The following APC2 variants were observed in gnomAD, a reference collection of about 807,000 sequenced individuals.
APC2 encodes the protein APC regulator of Wnt signaling pathway 2.
In APC2, 41 loss-of-function variants were observed where a neutral mutation model predicts 72.5. The ratio of observed to expected loss-of-function variants is 0.57; its 90% CI spans 0.44 to 0.73. The LOEUF is 0.73. Ranked by LOEUF, APC2 falls within the 30% of genes least tolerant of loss-of-function variation. APC2 has a pLI of 0.00. For synonymous variants in APC2, 1,898 were observed against 1,612.0 expected, an observed-to-expected ratio of 1.18 and a Z score of -4.25; for missense variants, 3,729 against 3,403.4, an observed-to-expected ratio of 1.10 and a Z score of -2.38.
At chr19:1,455,628 G>A (rs765313567) in intron 6 of APC2, 128 bp downstream of exon 6, 3 of 926,078 alleles carry the variant, frequency 3.2e-6, no homozygotes. Context: ...GTTGGGGGGC[G>A]CGGGTTCTGG....
upstream of APC2, among the ~76,000 whole-genome samples, chr19:1,448,913 C>T (rs183362962): frequency 5.3e-5 from 8 of 152,286 alleles, no homozygotes; most frequent in Non-Finnish European, 1.2e-4. Flanking sequence ...ACTGCATTGC[C>T]TCCCCAGACC....
chr19:1,448,487 G>C (rs532884122), upstream of APC2, among the ~76,000 whole-genome samples: 33 of 150,432 alleles, frequency 2.2e-4, no homozygotes, highest in South Asian at 4.9e-3. Context: ...CGGAGGTTGC[G>C]GTGAGCCGAG....
At position 1,461,926 on chromosome 19, in the gene APC2, C is replaced by G. The variant is rs373827851; in HGVS notation, c.1639-37C>G. The G allele has an allele frequency of 3.2e-6, 5 of 1,554,578 alleles. No homozygotes were observed. In the South Asian group the frequency reaches 3.4e-5, roughly 11 times the overall value. Reference sequence around the variant, plus strand: ...GTGGGAGCCTTTCCTCCGGGCCACTCAGGCCCTGACCCGCCCCTCTCCCGC... The same window carrying G: ...GTGGGAGCCTTTCCTCCGGGCCACTGAGGCCCTGACCCGCCCCTCTCCCGC... On this transcript the variant is annotated intron_variant, in intron 13 of 14. Coordinates refer to ENST00000590469, the MANE Select transcript of APC2 (RefSeq NM_005883.3).
At chr19:1,454,563 C>CTTTTTTTTTTTTTTT (rs71174371) in intron 4 of APC2, among the ~76,000 whole-genome samples, 1 of 116,172 alleles carries the variant, frequency 8.6e-6, no homozygotes, top group Non-Finnish European at 1.7e-5. Flanking sequence ...ATCTTTTGTA[C>CTTTTTTTTTTTTTTT]TTTTTTTTTT....
intron 4 of APC2, among the ~76,000 whole-genome samples, chr19:1,454,876 T>C (rs1156243805): frequency 1.3e-5 from 2 of 152,120 alleles, no homozygotes; most frequent in Admixed American, 1.3e-4. Flanking sequence ...CGGCTATTTT[T>C]ATATTTTTTA....
chr19:1,469,020 C>T lies in APC2; in HGVS notation c.5719C>T (p.Pro1907Ser), dbSNP rs867067160. The T allele has an allele frequency of 6.5e-7, 1 of 1,549,542 alleles. No individual in the cohort carries two copies. Among genetic ancestry groups the T allele is most frequent in the Admixed American group, 1.9e-5 (1 of 52,110 alleles). The change falls in exon 15 of 15, where the codon CCG (proline) becomes TCG (serine). Residue 1907 changes from proline to serine, a missense_variant. Pro to Ser is a moderately conservative substitution (Grantham distance 74, BLOSUM62 -1). Transcript: ENST00000590469. ...AGALPGPGAS[P>S]VPKTPARTLL... ...GGCCCTGCCCGGCCCCGGAGCCTCC[C>T]CGGTGCCCAAAACGCCGGCGCGCAC... is the stretch of plus-strand genomic sequence containing the variant.
Position 1,456,826 on chromosome 19 carries a change from C to A in APC2, c.817-27C>A, listed in dbSNP as rs751764950. ...GGTGTGCGGGGGGCAGGTGAGGGAC[C>A]CCACCCTGACCCTGCCCTCCCCCCA... On this transcript the variant is annotated intron_variant, in intron 8 of 14. Coordinates refer to ENST00000590469, the MANE Select transcript of APC2 (RefSeq NM_005883.3). The A allele has an allele frequency of 7.6e-6, 12 of 1,582,820 alleles. No homozygotes were observed. The East Asian group carries it at 9.3e-5, about 12-fold the overall frequency.
At position 1,465,936 on chromosome 19, in the gene APC2, C is replaced by G; in HGVS notation, c.2635C>G (p.Pro879Ala). Residue 879 changes from proline (P) to alanine (A), a missense_variant, in exon 15 of 15, where the codon CCG becomes GCG. Pro to Ala is a conservative substitution (Grantham distance 27). Coordinates refer to ENST00000590469, the MANE Select transcript of APC2 (RefSeq NM_005883.3). ...TAGCTTCAGCCTCAGCTCTGGAGACCCGGGACAGGAGGCGCCACGGGAGGG... is the reference window on the plus strand; with the variant it reads ...TAGCTTCAGCCTCAGCTCTGGAGACGCGGGACAGGAGGCGCCACGGGAGGG... ...DDSFSLSSGD[P>A]GQEAPREGRA... 6.3e-7 allele frequency: 1 copy of G among 1,584,344 alleles called. No homozygotes were observed. Among genetic ancestry groups the G allele is most frequent in the Non-Finnish European group, 8.5e-7 (1 of 1,170,278 alleles).
chr19:1,466,769 G>T lies in APC2; in HGVS notation c.3468G>T (p.Pro1156=). ...SSSENYVQET[P]LVLSRCSSVS... ...CGGAGAACTACGTGCAGGAGACACC[G>T]CTTGTGCTGAGCCGCTGCAGCTCTG... Residue 1156 remains proline, a synonymous_variant, in exon 15 of 15, where the codon CCG becomes CCT. Coordinates refer to ENST00000590469, the MANE Select transcript of APC2 (RefSeq NM_005883.3). 10 of 1,550,090 alleles carry T rather than the reference G, an allele frequency of 6.5e-6. No homozygotes were observed. Among genetic ancestry groups the T allele is most frequent in the Non-Finnish European group, 8.7e-6 (10 of 1,147,796 alleles).
chr19:1,464,912 T>C (rs904398601), intron 14 of APC2, among the ~76,000 whole-genome samples: 1 of 150,958 alleles, frequency 6.6e-6, no homozygotes, highest in Non-Finnish European at 1.5e-5. Context: ...GGATTACAGG[T>C]GTGATCCACT....
rs2084038580 is a variant in APC2, at chr19:1,467,441, G to A, written c.4140G>A (p.Pro1380=). 2.7e-6 allele frequency: 4 copies of A among 1,476,818 alleles called. No homozygotes were observed. The highest frequency in any genetic ancestry group is 2.8e-5 in the East Asian group (1 of 35,306). The allele number at this position is 1,476,818 out of a possible 1,614,324, so 91.5% of individuals were successfully genotyped here. A position where few individuals can be genotyped will look rare whatever the true frequency, so the allele number is the denominator to read the frequency against. The change falls in exon 15 of 15, where the codon CCG becomes CCA. Residue 1380 remains proline (P), a synonymous_variant. Coordinates refer to ENST00000590469, the MANE Select transcript of APC2 (RefSeq NM_005883.3). ...PVPVYMLVPA[P]APAQEDDSCT... ...CCGTCTACATGTTGGTGCCCGCCCC[G>A]GCCCCGGCCCAGGAGGACGACTCCT...
At position 1,467,086 on chromosome 19, in the gene APC2, G is replaced by A. The variant is rs1244307346; in HGVS notation, c.3785G>A (p.Arg1262His). ...TCTGAGCTGGACGCAGGCAGCGTGCGCTTTACCGTGGAGAAGCCAGACGAG... is the reference window on the plus strand; with the variant it reads ...TCTGAGCTGGACGCAGGCAGCGTGCACTTTACCGTGGAGAAGCCAGACGAG... ...LPSELDAGSV[R>H]FTVEKPDENF... The change falls in exon 15 of 15, where the codon CGC (arginine) becomes CAC (histidine). Residue 1262 changes from arginine (R) to histidine (H), a missense_variant. Arg to His is a conservative substitution (Grantham distance 29). Coordinates refer to ENST00000590469, the MANE Select transcript of APC2 (RefSeq NM_005883.3). 3.7e-6 allele frequency: 6 copies of A among 1,609,664 alleles called. No homozygotes were observed. The Admixed American group carries it at 5.0e-5, about 13-fold the overall frequency.
chr19:1,460,999 A>T (rs7256954), intron 12 of APC2, 38 bp from the exon 13 acceptor site: 1 of 1,608,304 alleles, frequency 6.2e-7, no homozygotes, highest in Non-Finnish European at 8.5e-7. Context: ...GGGGGCCTGG[A>T]CCCTAGTCCC....
intron 11 of APC2, 148 bp downstream of exon 11, chr19:1,460,468 G>C (rs2083904881): frequency 7.6e-7 from 1 of 1,316,176 alleles, no homozygotes; most frequent in South Asian, 1.4e-5. Flanking sequence ...GAGGCCCAGA[G>C]AGTGCGGTGT....
In APC2 at chr19:1,466,439, C is replaced by T. The variant is rs747857521; in HGVS notation, c.3138C>T (p.Ala1046=). ...AGGTTCCCGAGAAGCTGGCGGCTGC[C>T]CCGCTGTCTGTGGCCAGCAAGGCAC... ...LSKVPEKLAA[A]PLSVASKALQ... Residue 1046 remains alanine, a synonymous_variant, in exon 15 of 15, where the codon GCC becomes GCT. Transcript: ENST00000590469. 2 of 1,597,640 alleles carry T rather than the reference C, an allele frequency of 1.3e-6. No homozygotes were observed. Among genetic ancestry groups the T allele is most frequent in the South Asian group, 1.1e-5 (1 of 90,868 alleles).
chr19:1,468,557 G>A lies in APC2; in HGVS notation c.5256G>A (p.Glu1752=). ...EGEMGSARRP[E]KRGAASVKTS... ...AAATGGGCAGTGCCCGGCGGCCAGA[G>A]AAAAGGGGCGCAGCCTCAGTCAAGA... The change falls in exon 15 of 15, where the codon GAG becomes GAA. Residue 1752 remains glutamate, a synonymous_variant. Transcript: ENST00000590469. 1 of 1,597,700 alleles carries A rather than the reference G, an allele frequency of 6.3e-7. No homozygotes were observed. Among genetic ancestry groups the A allele is most frequent in the Non-Finnish European group, 8.6e-7 (1 of 1,169,544 alleles).
Position 1,457,232 on chromosome 19 carries a change from G to T in APC2, c.1196G>T (p.Gly399Val), listed in dbSNP as rs1364249929. Residue 399 changes from glycine to valine, a missense_variant, in exon 9 of 15, where the codon GGC becomes GTC. By Grantham distance (109) the Gly-to-Val change is moderately radical (BLOSUM62 -3). Coordinates refer to ENST00000590469, the MANE Select transcript of APC2 (RefSeq NM_005883.3). The part of the protein sequence containing the change: ...QARDGGPEGG[G>V]AGSAPIPIEP... ...CGAGACGGCGGGCCCGAGGGAGGTG[G>T]CGCCGGCAGCGGTGAGTGCCTGGCC... 1 of 1,530,070 alleles carries T rather than the reference G, an allele frequency of 6.5e-7. No individual in the cohort carries two copies. The highest frequency in any genetic ancestry group is 2.5e-5 in the East Asian group (1 of 39,348). 94.8% of individuals were successfully genotyped at this position (1,530,070 alleles called of 1,614,324 possible).
intron 8 of APC2, 146 bp from the exon 9 acceptor site, chr19:1,456,707 C>T (rs2083833327): frequency 1.8e-6 from 2 of 1,101,852 alleles, no homozygotes; most frequent in Non-Finnish European, 2.5e-6. Context: ...AGCACGTGTG[C>T]AGCCTCCTAG....
At chr19:1,450,377 C>A in intron 1 of APC2, 39 bp downstream of exon 1, 1 of 984,026 alleles carries the variant, frequency 1.0e-6, no homozygotes, top group Non-Finnish European at 1.2e-6. Flanking sequence ...GCGCGACCTC[C>A]GCCTCGCGTC....
Sources: gnomAD v4.1 joint callset for allele counts (sites outside exome capture counted in the v4.1 genomes callset) on GRCh38, gnomAD v4.1.1 for gene constraint, MANE v1.5 for transcripts, NCBI Gene and HGNC (gene_info 2026-07-23, HGNC 2026-07-21) for gene names.